The following CSPP1 variants were observed in gnomAD, a reference collection of about 807,000 sequenced individuals.
The protein encoded by CSPP1 is centrosome and spindle pole-associated protein 1.
Under a neutral mutation model 164.4 loss-of-function variants are expected in CSPP1, and 126 were observed. That is an observed-to-expected ratio of 0.77 (90% CI 0.66 to 0.89). CSPP1 has a LOEUF of 0.89. Ranked by LOEUF, CSPP1 falls within the 40% of genes least tolerant of loss-of-function variation. The pLI, the probability that CSPP1 is intolerant of heterozygous loss-of-function variation, is 0.00. For synonymous variants in CSPP1, 472 were observed against 476.7 expected (o/e 0.99, Z 0.13); for missense variants, 1,395 against 1,449.8 (o/e 0.96, Z 0.61).
chr8:67,176,795 G>T (rs1270696660), intron 26 of CSPP1, among the ~76,000 whole-genome samples: 1 of 152,128 alleles, frequency 6.6e-6, no homozygotes, highest in Non-Finnish European at 1.5e-5. Context: ...TCACTGGCCA[G>T]GCGTGGTGGC....
At chr8:67,086,806 G>A (rs1810485050) in intron 4 of CSPP1, 7 of 1,344,520 alleles carry the variant, frequency 5.2e-6, no homozygotes, top group Non-Finnish European at 7.0e-6. Context: ...TCAATGGTTT[G>A]TTTCCCTTGA....
chr8:67,195,834 A>G lies in CSPP1; in HGVS notation c.*241A>G. ...AGTTTTGTCATAAATTAGGGTGGTA[A>G]TGAACTGGATTGAACTACTATATGT... On this transcript the variant is annotated 3_prime_UTR_variant, in exon 31 of 31. Coordinates refer to ENST00000678616, the MANE Select transcript of CSPP1 (RefSeq NM_001382391.1). 2.2e-6 allele frequency: 1 copy of G among 464,036 alleles called. No individual in the cohort carries two copies. The highest frequency in any genetic ancestry group is 3.9e-5 in the East Asian group (1 of 25,454). 28.7% of individuals were successfully genotyped at this position (464,036 alleles called of 1,614,324 possible). A position where few individuals can be genotyped will look rare whatever the true frequency, so the allele number is the denominator to read the frequency against.
At chr8:67,150,995 A>G (rs1354788134) in intron 18 of CSPP1, among the ~76,000 whole-genome samples, 2 of 152,172 alleles carry the variant, frequency 1.3e-5, no homozygotes, top group Admixed American at 1.3e-4. Context: ...GTGACTGATC[A>G]TGTAGTCTTT....
At chr8:67,107,025 AATGGC>A (rs1815698770) in intron 9 of CSPP1, among the ~76,000 whole-genome samples, 1 of 151,704 alleles carries the variant, frequency 6.6e-6, no homozygotes, top group South Asian at 2.1e-4. Flanking sequence ...TTTTATTTTA[AATGGC>A]TATATTCTTA....
At chr8:67,093,683 C>T (rs1308771173) in intron 6 of CSPP1, 42 bp downstream of exon 6, 1 of 1,062,750 alleles carries the variant, frequency 9.4e-7, no homozygotes, top group Non-Finnish European at 1.4e-6. Flanking sequence ...ACTACTACCA[C>T]AGGTTGAATA....
At chr8:67,154,933 ATGATT>A (rs1167305799) in intron 19 of CSPP1, among the ~76,000 whole-genome samples, 2 of 152,344 alleles carry the variant, frequency 1.3e-5, no homozygotes, top group Admixed American at 1.3e-4. Flanking sequence ...TTTTTTCCAA[ATGATT>A]TGATATTATT....
At chr8:67,168,441 G>A (rs1053777340) in intron 24 of CSPP1, among the ~76,000 whole-genome samples, 3 of 152,134 alleles carry the variant, frequency 2.0e-5, no homozygotes, top group Non-Finnish European at 4.4e-5. Context: ...GAGTACTCGA[G>A]CAGCGCCTCA....
At chr8:67,091,483 G>A (rs959823925) in intron 4 of CSPP1, among the ~76,000 whole-genome samples, 1 of 152,182 alleles carries the variant, frequency 6.6e-6, no homozygotes, top group African/African-American at 2.4e-5. Context: ...ATAATGAAGA[G>A]TACATGCTTA....
At chr8:67,194,909 C>CAAAAT (rs896266532) in intron 30 of CSPP1, among the ~76,000 whole-genome samples, 4 of 151,918 alleles carry the variant, frequency 2.6e-5, no homozygotes, top group African/African-American at 9.7e-5. Flanking sequence ...AGTGTTTTCC[C>CAAAAT]AAAATAACTT....
intron 8 of CSPP1, 30 bp downstream of exon 8, chr8:67,103,165 T>C: frequency 7.5e-7 from 1 of 1,328,314 alleles, no homozygotes; most frequent in South Asian, 1.2e-5. Flanking sequence ...TTCTCTGCTT[T>C]AGTCATTACA....
intron 18 of CSPP1, among the ~76,000 whole-genome samples, chr8:67,150,760 A>G (rs947608546): frequency 6.6e-6 from 1 of 152,196 alleles, no homozygotes; most frequent in Admixed American, 6.5e-5. Flanking sequence ...ATTCTGAAAG[A>G]TGAAAATTAT....
intron 29 of CSPP1, among the ~76,000 whole-genome samples, chr8:67,193,121 GTTTT>G (rs1452257321): frequency 6.6e-6 from 1 of 151,978 alleles, no homozygotes; most frequent in Non-Finnish European, 1.5e-5. Context: ...TGATTTGCTG[GTTTT>G]TTTCTTTTTT....
chr8:67,140,771 TG>T, intron 17 of CSPP1, among the ~76,000 whole-genome samples: 1 of 152,328 alleles, frequency 6.6e-6, no homozygotes, highest in East Asian at 1.9e-4. Flanking sequence ...GCTGTTTGGG[TG>T]GTTCTCCTCC....
At chr8:67,174,589 C>T (rs963477521) in intron 25 of CSPP1, 1 of 152,158 alleles carries the variant, frequency 6.6e-6, no homozygotes, top group Non-Finnish European at 1.5e-5. Context: ...AGTGAAACCT[C>T]GTCTCTACTA....
intron 25 of CSPP1, chr8:67,173,009 T>C (rs1830766275): frequency 6.5e-6 from 1 of 152,824 alleles, no homozygotes; most frequent in Non-Finnish European, 1.5e-5. Context: ...ATGAGGTCAT[T>C]GGTGACCTCA....
At position 67,196,390 on chromosome 8, in the gene CSPP1, A is replaced by G. The variant is rs1563822502; in HGVS notation, c.*797A>G. 2 of 152,314 alleles carry G rather than the reference A, an allele frequency of 1.3e-5. No individual in the cohort carries two copies. Among genetic ancestry groups the G allele is most frequent in the South Asian group, 2.1e-4 (1 of 4,826 alleles). 9.4% of individuals were successfully genotyped at this position (152,314 alleles called of 1,614,324 possible). On this transcript the variant is annotated 3_prime_UTR_variant, in exon 31 of 31. Transcript: ENST00000678616. ...TCCACCATGGAACCTTGGATAAGTG[A>G]GTCCATGTGAGTTTTCTAATCACTC... is the stretch of plus-strand genomic sequence containing the variant.
chr8:67,067,706 G>A (rs539855136), intron 1 of CSPP1, among the ~76,000 whole-genome samples: 3 of 151,688 alleles, frequency 2.0e-5, no homozygotes, highest in East Asian at 2.0e-4. Context: ...CTCGTGATCC[G>A]CCCGCCTCGG....
intron 29 of CSPP1, among the ~76,000 whole-genome samples, chr8:67,192,688 GGGTGTGA>G (rs572944483): frequency 1.3e-3 from 201 of 152,306 alleles, no homozygotes; most frequent in Non-Finnish European, 2.5e-3. Context: ...TTTTTGCACA[GGGTGTGA>G]GGTGCAGGGG....
At chr8:67,115,859 C>A in intron 12 of CSPP1, 55 bp from the exon 13 acceptor site, 1 of 1,411,734 alleles carries the variant, frequency 7.1e-7, no homozygotes, top group Non-Finnish European at 1.0e-6. Flanking sequence ...GAGGTCCCTT[C>A]CACCTTTAAA....
Sources: gnomAD v4.1 joint callset for allele counts (sites outside exome capture counted in the v4.1 genomes callset) on GRCh38, gnomAD v4.1.1 for gene constraint, MANE v1.5 for transcripts, NCBI Gene and HGNC (gene_info 2026-07-23, HGNC 2026-07-21) for gene names.